SLIT2: variants seen among roughly 807,000 people sequenced by gnomAD.
SLIT2 encodes slit homolog 2 protein.
A neutral mutation model predicts 185.7 loss-of-function variants in SLIT2; 41 were observed. The ratio of observed to expected loss-of-function variants is 0.22; its 90% CI spans 0.17 to 0.29. The LOEUF (loss-of-function observed/expected upper bound fraction) is 0.29. SLIT2 is among the 10% of genes least tolerant of loss of function. SLIT2 has a pLI of 1.00. For synonymous variants in SLIT2, 693 were observed against 680.2 expected (o/e 1.02, Z -0.29); for missense variants, 1,571 against 1,909.0 (o/e 0.82, Z 3.30).
At chr4:20,495,856 A>C (rs1718185629) in intron 9 of SLIT2, among the ~76,000 whole-genome samples, 1 of 152,146 alleles carries the variant, frequency 6.6e-6, no homozygotes, top group Non-Finnish European at 1.5e-5. Context: ...TTAGTAATTT[A>C]TTTCTTTTAT....
intron 4 of SLIT2, among the ~76,000 whole-genome samples, chr4:20,330,245 G>A (rs1185399621): frequency 6.6e-6 from 1 of 151,974 alleles, no homozygotes; most frequent in African/African-American, 2.4e-5. Context: ...CAATATTCCA[G>A]GAGGCAACAT....
chr4:20,322,852 T>C lies in SLIT2; in HGVS notation c.395+53971T>C, dbSNP rs75135445. ...TAATGGTATTGAACACTCTGGGCTCTTTATTACTCCATGTCAATACAACTT... is the reference window on the plus strand; with the variant it reads ...TAATGGTATTGAACACTCTGGGCTCCTTATTACTCCATGTCAATACAACTT... On this transcript the variant is annotated intron_variant, in intron 4 of 36. Coordinates refer to ENST00000504154, the MANE Select transcript of SLIT2 (RefSeq NM_004787.4). Among the ~76,000 whole-genome samples, 141 of 152,270 alleles carry C rather than the reference T, an allele frequency of 9.3e-4. 1 individual carries two copies. Among genetic ancestry groups the C allele is most frequent in the African/African-American group, 3.2e-3 (131 of 41,552 alleles).
At chr4:20,569,733 A>G (rs1248326030) in intron 29 of SLIT2, among the ~76,000 whole-genome samples, 1 of 152,110 alleles carries the variant, frequency 6.6e-6, no homozygotes, top group African/African-American at 2.4e-5. Flanking sequence ...TGACAAAGGA[A>G]AAACAAGAAA....
At chr4:20,284,021 A>G (rs1470319587) in intron 4 of SLIT2, among the ~76,000 whole-genome samples, 1 of 152,192 alleles carries the variant, frequency 6.6e-6, no homozygotes, top group Non-Finnish European at 1.5e-5. Context: ...GAACATAGAC[A>G]GTAACAGTAG....
At position 20,254,044 on chromosome 4, in the gene SLIT2, C is replaced by A. The variant is rs774407859; in HGVS notation, c.179+50C>A. ...CCTCTCCCCATCCGGGCCGCGCACC[C>A]CTGCCTCCACTGGAGGAACCTGTCA... is the stretch of plus-strand genomic sequence containing the variant. On this transcript the variant is annotated intron_variant, in intron 1 of 36. Coordinates refer to ENST00000504154, the MANE Select transcript of SLIT2 (RefSeq NM_004787.4). This position sits in a 1 kb window ranked among gnomAD's most constrained non-coding sequence, Gnocchi z 5.1. 3 of 1,555,850 alleles carry A rather than the reference C, an allele frequency of 1.9e-6. No individual in the cohort carries two copies. The highest frequency in any genetic ancestry group is 3.4e-4 in the Middle Eastern group (2 of 5,838).
At chr4:20,317,522 A>G (rs1718707659) in intron 4 of SLIT2, among the ~76,000 whole-genome samples, 2 of 152,036 alleles carry the variant, frequency 1.3e-5, no homozygotes, top group African/African-American at 4.8e-5. Context: ...GTCAGACCTG[A>G]GTTTGAATCA....
At chr4:20,494,608 C>T (rs530122451) in intron 9 of SLIT2, among the ~76,000 whole-genome samples, 6 of 152,022 alleles carry the variant, frequency 3.9e-5, no homozygotes, top group Admixed American at 3.9e-4. Context: ...AACCCTGTCT[C>T]TACTAAAAAA....
intron 4 of SLIT2, among the ~76,000 whole-genome samples, chr4:20,441,092 A>G (rs1194668712): frequency 6.6e-6 from 1 of 152,298 alleles, no homozygotes; most frequent in Non-Finnish European, 1.5e-5. Context: ...ATAAACAGCA[A>G]ACTTTTAACT....
chr4:20,354,867 G>T (rs1722178561), intron 4 of SLIT2, among the ~76,000 whole-genome samples: 1 of 145,872 alleles, frequency 6.9e-6, no homozygotes. Flanking sequence ...GAAAAAAATG[G>T]ACACGTGTGG....
At chr4:20,485,393 T>C (rs560179581) in intron 6 of SLIT2, among the ~76,000 whole-genome samples, 1 of 152,242 alleles carries the variant, frequency 6.6e-6, no homozygotes, top group South Asian at 2.1e-4. Context: ...TGAGTAGTAA[T>C]AGAAGTAGTA....
At chr4:20,516,724 A>G (rs907658657) in intron 11 of SLIT2, among the ~76,000 whole-genome samples, 10 of 152,102 alleles carry the variant, frequency 6.6e-5, no homozygotes, top group Non-Finnish European at 1.3e-4. Flanking sequence ...TCTCATTGCT[A>G]TGTAAAATAC....
At chr4:20,321,957 C>T (rs1372206717) in intron 4 of SLIT2, among the ~76,000 whole-genome samples, 2 of 151,830 alleles carry the variant, frequency 1.3e-5, no homozygotes, top group Non-Finnish European at 2.9e-5. Context: ...TGGCCCAGAC[C>T]AGATCTGCTA....
intron 4 of SLIT2, among the ~76,000 whole-genome samples, chr4:20,333,207 A>G (rs761175668): frequency 1.3e-5 from 2 of 152,166 alleles, no homozygotes; most frequent in East Asian, 3.9e-4. Context: ...TCTGGGGGAA[A>G]AAAATTCAAT....
intron 34 of SLIT2, among the ~76,000 whole-genome samples, chr4:20,612,910 T>G (rs921344681): frequency 1.1e-4 from 10 of 87,148 alleles, no homozygotes; most frequent in African/African-American, 5.5e-4. Flanking sequence ...AATGGGAGAC[T>G]CCATCTCCAA....
intron 1 of SLIT2, among the ~76,000 whole-genome samples, chr4:20,256,075 G>A (rs1436998033): frequency 6.6e-6 from 1 of 152,126 alleles, no homozygotes; most frequent in Admixed American, 6.5e-5. Context: ...CAATCACAGC[G>A]GGGTTCCCTG....
At chr4:20,388,203 A>G (rs1371999923) in intron 4 of SLIT2, among the ~76,000 whole-genome samples, 1 of 152,144 alleles carries the variant, frequency 6.6e-6, no homozygotes, top group Non-Finnish European at 1.5e-5. Flanking sequence ...CTAAACTGAA[A>G]CCTTGGGCTT....
At chr4:20,353,193 A>G (rs183544344) in intron 4 of SLIT2, among the ~76,000 whole-genome samples, 19 of 152,330 alleles carry the variant, frequency 1.2e-4, no homozygotes, top group Admixed American at 2.6e-4. Flanking sequence ...GTGGAATGAC[A>G]TATTTCTGCC....
chr4:20,592,364 T>A (rs986886452), intron 30 of SLIT2, among the ~76,000 whole-genome samples: 1 of 152,196 alleles, frequency 6.6e-6, no homozygotes, highest in Non-Finnish European at 1.5e-5. Flanking sequence ...AACAGTGTAT[T>A]TTATATTCTT....
Position 20,392,013 on chromosome 4 carries a change from A to G in SLIT2, c.396-75739A>G, listed in dbSNP as rs1430352592. 2.0e-5 allele frequency among the ~76,000 whole-genome samples: 3 copies of G among 152,088 alleles called. No individual in the cohort carries two copies. The East Asian group carries it at 5.8e-4, about 29-fold the overall frequency. ...TACCTATGCTCTTCAGGAGAAATTG[A>G]TAGTATGCCAGTTGTTAGCATGAGA... On this transcript the variant is annotated intron_variant, in intron 4 of 36. Transcript: ENST00000504154.
Sources: gnomAD v4.1 joint callset for allele counts (sites outside exome capture counted in the v4.1 genomes callset) on GRCh38, gnomAD v4.1.1 for gene constraint, Gnocchi (gnomAD v3.1) non-coding constraint, MANE v1.5 for transcripts, NCBI Gene and HGNC (gene_info 2026-07-23, HGNC 2026-07-21) for gene names.